Variants in SCN1A observed in about 807,000 individuals in gnomAD.
The protein encoded by SCN1A is sodium voltage-gated channel alpha subunit 1.
In SCN1A, 13 loss-of-function variants were observed where a neutral mutation model predicts 193.7. The observed-to-expected ratio is 0.07, with a 90% CI of 0.04 to 0.11. The LOEUF is 0.11. Ranked by LOEUF, SCN1A falls within the 10% of genes least tolerant of loss-of-function variation. The pLI is 1.00. For missense variants in SCN1A, 1,432 were observed against 2,451.1 expected, an observed-to-expected ratio of 0.58 and a Z score of 8.78; for synonymous variants, 781 against 843.6, an observed-to-expected ratio of 0.93 and a Z score of 1.29.
chr2:166,103,354 G>A (rs893042491), intron 2 of SCN1A, among the ~76,000 whole-genome samples: 1 of 151,960 alleles, frequency 6.6e-6, no homozygotes, highest in Non-Finnish European at 1.5e-5. Context: ...GGGAGACTGA[G>A]GCAGGAGAAT....
In SCN1A at chr2:166,144,945, G is replaced by A. The variant is rs187569392; in HGVS notation, c.-50+4102C>T. Among the ~76,000 whole-genome samples, 324 of 150,630 alleles carry A rather than the reference G, an allele frequency of 2.2e-3. 2 individuals are homozygous for A. The highest frequency in any genetic ancestry group is 7.0e-3 in the African/African-American group (289 of 41,058). Reference sequence around the variant, plus strand: ...CGGCTCGCTGCAACCTCCGCCTCCCGGGTTCAAGCGATTCTCCTGCCTCTG... The same window carrying A: ...CGGCTCGCTGCAACCTCCGCCTCCCAGGTTCAAGCGATTCTCCTGCCTCTG... On this transcript the variant is annotated intron_variant, in intron 1 of 26. Transcript: ENST00000635750.
intron 4 of SCN1A, among the ~76,000 whole-genome samples, chr2:166,061,309 C>T (rs1158895147): frequency 6.6e-6 from 1 of 152,034 alleles, no homozygotes; most frequent in Non-Finnish European, 1.5e-5. Flanking sequence ...TATTTCTGCC[C>T]TGAGTACTAA....
chr2:166,073,338 G>A lies in SCN1A; in HGVS notation c.264+20C>T, dbSNP rs1254193559. ...CAGTAGGCAATTAGCAGCAAAATATGCCTGATAAAAAACACTCACTTTCTT... is the reference window on the plus strand; with the variant it reads ...CAGTAGGCAATTAGCAGCAAAATATACCTGATAAAAAACACTCACTTTCTT... On this transcript the variant is annotated intron_variant, in intron 4 of 28. Coordinates refer to ENST00000674923, the MANE Select transcript of SCN1A (RefSeq NM_001165963.4). The A allele has an allele frequency of 1.1e-5, 17 of 1,612,674 alleles. No individual in the cohort carries two copies. Among genetic ancestry groups the A allele is most frequent in the Non-Finnish European group, 1.4e-5 (16 of 1,179,956 alleles).
intron 2 of SCN1A, among the ~76,000 whole-genome samples, chr2:166,080,174 C>T (rs1478605637): frequency 6.6e-6 from 1 of 151,592 alleles, no homozygotes; most frequent in African/African-American, 2.4e-5. Context: ...AAATTTATAA[C>T]AGAAGACTTA....
At chr2:166,077,246 G>A (rs937205548) in intron 3 of SCN1A, 10 of 151,720 alleles carry the variant, frequency 6.6e-5, no homozygotes, top group African/African-American at 2.4e-4. Context: ...TTTGCTCTGT[G>A]AAAGATACTA....
chr2:166,118,425 G>C (rs749180393), intron 2 of SCN1A, among the ~76,000 whole-genome samples: 6 of 142,656 alleles, frequency 4.2e-5, no homozygotes, highest in Admixed American at 7.5e-5. Context: ...TCTTCCAAAG[G>C]CACTCTTGCC....
chr2:165,991,120 T>C lies in SCN1A; in HGVS notation c.*125A>G. 1 of 830,308 alleles carries C rather than the reference T, an allele frequency of 1.2e-6. No homozygotes were observed. Among genetic ancestry groups the C allele is most frequent in the East Asian group, 2.6e-5 (1 of 37,762 alleles). The allele number at this position is 830,308 out of a possible 1,614,324, so 51.4% of individuals were successfully genotyped here. ...ACTGTCTTATTGTAGGCACTGACCTTAAGGAGATTTGTGTAAAAACAGTCA... is the reference window on the plus strand; with the variant it reads ...ACTGTCTTATTGTAGGCACTGACCTCAAGGAGATTTGTGTAAAAACAGTCA... On this transcript the variant is annotated 3_prime_UTR_variant, in exon 29 of 29. Coordinates refer to ENST00000674923, the MANE Select transcript of SCN1A (RefSeq NM_001165963.4).
At chr2:166,009,146 G>A (rs1341231648) in intron 23 of SCN1A, among the ~76,000 whole-genome samples, 1 of 150,950 alleles carries the variant, frequency 6.6e-6, no homozygotes, top group Non-Finnish European at 1.5e-5. Flanking sequence ...GGATTTGTAT[G>A]TAATCTTTAA....
chr2:166,089,148 C>T (rs1972713), intron 2 of SCN1A, among the ~76,000 whole-genome samples: 33,289 of 151,820 alleles, frequency 0.22, 3,805 homozygotes, highest in Middle Eastern at 0.47. Flanking sequence ...GAGTATTTCT[C>T]CTATCCCTCC....
In SCN1A at chr2:166,056,650, A is replaced by G. The variant is rs184661491; in HGVS notation, c.384-150T>C. Reference sequence around the variant, plus strand: ...AGTCTTCTAATCTCCTTACATTTCAATTTCTTCATGTGTAAAATGTGGGTA... The same window carrying G: ...AGTCTTCTAATCTCCTTACATTTCAGTTTCTTCATGTGTAAAATGTGGGTA... On this transcript the variant is annotated intron_variant, in intron 5 of 28. Transcript: ENST00000674923. The G allele has an allele frequency of 3.8e-5, 25 of 650,794 alleles. No homozygotes were observed. In the East Asian group the frequency reaches 5.4e-4, roughly 14 times the overall value. 40.3% of individuals were successfully genotyped at this position (650,794 alleles called of 1,614,324 possible).
intron 8 of SCN1A, among the ~76,000 whole-genome samples, chr2:166,052,233 G>A (rs1003353254): frequency 1.3e-5 from 2 of 151,934 alleles, no homozygotes; most frequent in Non-Finnish European, 2.9e-5. Context: ...GAAGGTTCAT[G>A]TTCTTCATGG....
At chr2:166,052,090 G>A (rs1308993690) in intron 8 of SCN1A, 102 bp from the exon 9 acceptor site, 3 of 1,147,380 alleles carry the variant, frequency 2.6e-6, no homozygotes, top group East Asian at 2.4e-5. Flanking sequence ...ATAAATCCAA[G>A]AATGTTTGCA....
At chr2:166,142,882 G>A (rs1298004737) in intron 1 of SCN1A, among the ~76,000 whole-genome samples, 1 of 152,180 alleles carries the variant, frequency 6.6e-6, no homozygotes, top group Non-Finnish European at 1.5e-5. Context: ...ATAAATGGGA[G>A]TTCTCCTGCA....
intron 4 of SCN1A, among the ~76,000 whole-genome samples, chr2:166,069,879 T>A (rs1684235217): frequency 6.6e-6 from 1 of 152,186 alleles, no homozygotes; most frequent in Non-Finnish European, 1.5e-5. Context: ...TTTTCCCTGG[T>A]GACATTTCCA....
chr2:166,138,918 C>T (rs571000498), intron 1 of SCN1A, among the ~76,000 whole-genome samples: 6 of 152,270 alleles, frequency 3.9e-5, no homozygotes, highest in African/African-American at 1.4e-4. Context: ...GAACCCACCT[C>T]TTGCATCAAC....
At chr2:166,034,242 A>G (rs548587921) in intron 19 of SCN1A, among the ~76,000 whole-genome samples, 60 of 152,236 alleles carry the variant, frequency 3.9e-4, no homozygotes, top group African/African-American at 1.4e-3. Flanking sequence ...AGCAGCTCTA[A>G]TGCTAGGGTC....
chr2:166,068,353 G>A (rs1298170285), intron 4 of SCN1A, among the ~76,000 whole-genome samples: 2 of 152,252 alleles, frequency 1.3e-5, no homozygotes, highest in East Asian at 1.9e-4. Flanking sequence ...CAGAGACAGG[G>A]AGGTGACAAA....
At chr2:166,137,120 T>G (rs964317177) in intron 1 of SCN1A, among the ~76,000 whole-genome samples, 2 of 152,192 alleles carry the variant, frequency 1.3e-5, no homozygotes, top group Admixed American at 1.3e-4. Flanking sequence ...CTCCAGCATT[T>G]GTTGGGCTCT....
At chr2:166,063,118 G>A (rs1215375884) in intron 4 of SCN1A, among the ~76,000 whole-genome samples, 1 of 152,044 alleles carries the variant, frequency 6.6e-6, no homozygotes, top group Non-Finnish European at 1.5e-5. Flanking sequence ...TTGTCCTTCA[G>A]TTCATTTTAG....
Sources: gnomAD v4.1 joint callset for allele counts (sites outside exome capture counted in the v4.1 genomes callset) on GRCh38, gnomAD v4.1.1 for gene constraint, MANE v1.5 for transcripts, NCBI Gene and HGNC (gene_info 2026-07-23, HGNC 2026-07-21) for gene names.